The following ANKRD44 variants were observed in gnomAD, a reference collection of about 807,000 sequenced individuals.
ANKRD44 encodes the protein serine/threonine-protein phosphatase 6 regulatory ankyrin repeat subunit B.
ANKRD44 carries 35 observed loss-of-function variants against 116.0 expected under a neutral mutation model. That is an observed-to-expected ratio of 0.30 (90% CI 0.23 to 0.40). The LOEUF is 0.40. Among genes scored for constraint, ANKRD44 ranks in the 10% least tolerant of loss-of-function variants. ANKRD44 has a pLI of 1.00. For synonymous variants in ANKRD44, 435 were observed against 461.8 expected, an observed-to-expected ratio of 0.94 and a Z score of 0.74; for missense variants, 1,014 against 1,242.6, an observed-to-expected ratio of 0.82 and a Z score of 2.77.
chr2:197,127,416 T>C (rs924140779), intron 4 of ANKRD44, among the ~76,000 whole-genome samples: 1 of 152,194 alleles, frequency 6.6e-6, no homozygotes, highest in Non-Finnish European at 1.5e-5. Flanking sequence ...CATTTCTCTT[T>C]TAAAAGTTTT....
intron 1 of ANKRD44, among the ~76,000 whole-genome samples, chr2:197,195,935 T>A (rs1327109810): frequency 1.3e-5 from 2 of 152,218 alleles, no homozygotes; most frequent in Admixed American, 6.5e-5. Flanking sequence ...AAACTTTAGC[T>A]AAGATAATTA....
intron 27 of ANKRD44, among the ~76,000 whole-genome samples, chr2:196,991,452 C>T (rs182484249): frequency 9.9e-5 from 15 of 152,216 alleles, no homozygotes; most frequent in African/African-American, 3.4e-4. Context: ...AGTTTTGTCA[C>T]TTTATATATG....
chr2:196,986,438 C>G (rs899215649), downstream of ANKRD44, among the ~76,000 whole-genome samples: 8 of 147,818 alleles, frequency 5.4e-5, no homozygotes, highest in Non-Finnish European at 8.8e-5. Flanking sequence ...AAACAAAACC[C>G]TTTATGGAAA....
intron 1 of ANKRD44, among the ~76,000 whole-genome samples, chr2:197,288,635 A>C (rs895342326): frequency 1.3e-5 from 2 of 152,100 alleles, no homozygotes; most frequent in African/African-American, 2.4e-5. Flanking sequence ...ATATATACAC[A>C]TACACACGTG....
At chr2:196,982,898 G>A (rs1012906016), downstream of ANKRD44, among the ~76,000 whole-genome samples, 4 of 152,142 alleles carry the variant, frequency 2.6e-5, no homozygotes, top group Admixed American at 1.3e-4. Flanking sequence ...GAAGCTAGAA[G>A]CCATCATTCT....
chr2:197,183,295 A>C (rs1334842154), intron 2 of ANKRD44, among the ~76,000 whole-genome samples: 1 of 152,140 alleles, frequency 6.6e-6, no homozygotes, highest in Non-Finnish European at 1.5e-5. Context: ...AGAAAAGCAT[A>C]ATTAAGTGAA....
intron 1 of ANKRD44, among the ~76,000 whole-genome samples, chr2:197,235,449 C>T (rs1039052434): frequency 6.6e-6 from 1 of 152,026 alleles, no homozygotes. Flanking sequence ...AACCCCATCT[C>T]TACTAAAAAT....
At chr2:197,019,168 C>G (rs1275879674) in intron 17 of ANKRD44, among the ~76,000 whole-genome samples, 12 of 152,228 alleles carry the variant, frequency 7.9e-5, no homozygotes, top group Non-Finnish European at 2.9e-5. Flanking sequence ...CACAGAAATG[C>G]AGTGGCTTGA....
intron 10 of ANKRD44, among the ~76,000 whole-genome samples, chr2:197,093,267 C>A (rs2078086354): frequency 6.6e-6 from 1 of 151,692 alleles, no homozygotes; most frequent in Admixed American, 6.6e-5. Context: ...TATAAGAAAC[C>A]AATTGGGAAA....
At chr2:196,989,712 T>C in intron 27 of ANKRD44, 63 bp from the exon 28 acceptor site, 1 of 1,545,342 alleles carries the variant, frequency 6.5e-7, no homozygotes, top group Non-Finnish European at 8.7e-7. Context: ...CAACTGGCAA[T>C]CGGTTTTACA....
chr2:197,198,642 A>C (rs1014510570), intron 1 of ANKRD44, among the ~76,000 whole-genome samples: 19 of 151,844 alleles, frequency 1.3e-4, no homozygotes, highest in Non-Finnish European at 2.6e-4. Flanking sequence ...AAATACAAAA[A>C]ATTAGCCAGG....
intron 16 of ANKRD44, among the ~76,000 whole-genome samples, chr2:197,047,283 G>A (rs1444217557): frequency 6.6e-6 from 1 of 152,122 alleles, no homozygotes; most frequent in African/African-American, 2.4e-5. Flanking sequence ...GCCTCCCAAA[G>A]TGCTGAGATG....
At chr2:197,227,184 A>T (rs1454957033) in intron 1 of ANKRD44, among the ~76,000 whole-genome samples, 1 of 152,234 alleles carries the variant, frequency 6.6e-6, no homozygotes, top group Non-Finnish European at 1.5e-5. Context: ...AACCTCTTCT[A>T]AAAAACTTCA....
chr2:197,294,803 A>G (rs1047943855), intron 1 of ANKRD44, among the ~76,000 whole-genome samples: 1 of 152,170 alleles, frequency 6.6e-6, no homozygotes, highest in African/African-American at 2.4e-5. Flanking sequence ...TTCCATCCCC[A>G]TATTAATCTA....
At chr2:197,186,236 C>A (rs1191720389) in intron 2 of ANKRD44, among the ~76,000 whole-genome samples, 1 of 152,118 alleles carries the variant, frequency 6.6e-6, no homozygotes, top group Non-Finnish European at 1.5e-5. Context: ...AAAAAAATTG[C>A]ACCTCTATTA....
intron 4 of ANKRD44, 173 bp downstream of exon 4, chr2:197,136,419 G>A: frequency 1.6e-6 from 1 of 639,858 alleles, no homozygotes; most frequent in East Asian, 2.7e-5. Context: ...GCCCCACTCA[G>A]CACTATGTCT....
chr2:197,005,922 T>C lies in ANKRD44; in HGVS notation c.2131-12A>G, dbSNP rs2125908640. 1 of 1,613,370 alleles carries C rather than the reference T, an allele frequency of 6.2e-7. No homozygotes were observed. Among genetic ancestry groups the C allele is most frequent in the Non-Finnish European group, 8.5e-7 (1 of 1,179,370 alleles). On this transcript the variant is annotated splice_polypyrimidine_tract_variant and intron_variant, in intron 20 of 27. Transcript: ENST00000282272. ...TGTCCTGTCATAATCTGATGCATTG[T>C]AATTAAAAACACAAAACAAACCTCA...
chr2:197,078,495 G>C, intron 16 of ANKRD44: 5 of 1,354,448 alleles, frequency 3.7e-6, no homozygotes, highest in Non-Finnish European at 4.9e-6. Flanking sequence ...AAAGCCTTGG[G>C]TGGTGGTGGG....
chr2:197,008,833 T>C, intron 19 of ANKRD44, 111 bp downstream of exon 19: 1 of 923,648 alleles, frequency 1.1e-6, no homozygotes, highest in Non-Finnish European at 1.7e-6. Flanking sequence ...GGTCCAAATA[T>C]ATTCCTCCAA....
Sources: gnomAD v4.1 joint callset for allele counts (sites outside exome capture counted in the v4.1 genomes callset) on GRCh38, gnomAD v4.1.1 for gene constraint, MANE v1.5 for transcripts, NCBI Gene and HGNC (gene_info 2026-07-23, HGNC 2026-07-21) for gene names.